The following NCAM2 variants were observed in gnomAD, a reference collection of about 807,000 sequenced individuals.
NCAM2 encodes the protein neural cell adhesion molecule 2.
A neutral mutation model predicts 98.1 loss-of-function variants in NCAM2; 30 were observed. The observed-to-expected ratio is 0.31, with a 90% confidence interval of 0.23 to 0.41. The LOEUF is 0.41. Ranked by LOEUF, NCAM2 falls within the 10% of genes least tolerant of loss-of-function variation. The probability of loss-of-function intolerance (pLI) is 1.00; values close to 1 mark genes in which losing one functional copy is unlikely to be tolerated. For synonymous variants in NCAM2, 368 were observed against 342.4 expected (o/e 1.07, Z -0.83); for missense variants, 867 against 1,005.8 (o/e 0.86, Z 1.87).
intron 1 of NCAM2, among the ~76,000 whole-genome samples, chr21:21,251,289 A>G (rs2071460310): frequency 6.6e-6 from 1 of 151,986 alleles, no homozygotes; most frequent in African/African-American, 2.4e-5. Flanking sequence ...CCCCACATGC[A>G]TTAGATTTTT....
chr21:21,127,730 C>A (rs1248257157), intron 1 of NCAM2, among the ~76,000 whole-genome samples: 1 of 152,052 alleles, frequency 6.6e-6, no homozygotes, highest in Non-Finnish European at 1.5e-5. Flanking sequence ...CTGTGCTTGG[C>A]ATATTTCATT....
intron 1 of NCAM2, among the ~76,000 whole-genome samples, chr21:21,123,742 T>C (rs74867465): frequency 0.017 from 2,614 of 152,246 alleles, 72 homozygotes; most frequent in East Asian, 0.052. Context: ...ACCCAAACTT[T>C]TCTTTATAAC....
In NCAM2 at chr21:21,080,449, T is replaced by C. The variant is rs573658283; in HGVS notation, c.55+81831T>C. On this transcript the variant is annotated intron_variant, in intron 1 of 17. Coordinates refer to ENST00000400546, the MANE Select transcript of NCAM2 (RefSeq NM_004540.5). ...CTGACCAACATGGAGAAACCCCATCTCCACTAAAAATACAAAATTATTCAG... is the reference window on the plus strand; with the variant it reads ...CTGACCAACATGGAGAAACCCCATCCCCACTAAAAATACAAAATTATTCAG... Among the ~76,000 whole-genome samples, 9 of 151,854 alleles carry C rather than the reference T, an allele frequency of 5.9e-5. No homozygotes were observed. In the South Asian group the frequency reaches 1.9e-3, roughly 32 times the overall value.
intron 1 of NCAM2, among the ~76,000 whole-genome samples, chr21:21,144,367 A>T (rs79443724): frequency 0.017 from 2,559 of 151,736 alleles, 74 homozygotes; most frequent in African/African-American, 0.058. Context: ...AAAAAAATCA[A>T]CATTTCAAAT....
chr21:21,156,737 C>A (rs929480699), intron 1 of NCAM2, among the ~76,000 whole-genome samples: 6 of 151,992 alleles, frequency 3.9e-5, no homozygotes, highest in African/African-American at 1.4e-4. Flanking sequence ...AAGGTAATTT[C>A]TTCCAGAAAC....
At chr21:21,394,308 A>T (rs1275354059) in intron 9 of NCAM2, among the ~76,000 whole-genome samples, 2 of 152,126 alleles carry the variant, frequency 1.3e-5, no homozygotes, top group East Asian at 3.9e-4. Flanking sequence ...TAATTGAATT[A>T]CCCTTTAAAT....
chr21:21,059,466 G>A (rs1258893492), intron 1 of NCAM2, among the ~76,000 whole-genome samples: 1 of 151,996 alleles, frequency 6.6e-6, no homozygotes, highest in African/African-American at 2.4e-5. Flanking sequence ...AGTTGTATAT[G>A]CCAAGACTGT....
chr21:21,216,497 T>C (rs2147109458), intron 1 of NCAM2, among the ~76,000 whole-genome samples: 2 of 152,312 alleles, frequency 1.3e-5, no homozygotes, highest in South Asian at 4.1e-4. Context: ...GACCTAGATA[T>C]GTGGCCACAA....
At chr21:21,287,983 G>A (rs903077403) in intron 4 of NCAM2, among the ~76,000 whole-genome samples, 1 of 151,776 alleles carries the variant, frequency 6.6e-6, no homozygotes, top group Non-Finnish European at 1.5e-5. Flanking sequence ...GACATCTATG[G>A]GTGATTTGTT....
chr21:21,415,497 G>A (rs184678462), intron 10 of NCAM2, among the ~76,000 whole-genome samples: 3 of 151,876 alleles, frequency 2.0e-5, no homozygotes, highest in East Asian at 2.0e-4. Flanking sequence ...CACCACGCCC[G>A]GCTAATTTTT....
intron 1 of NCAM2, among the ~76,000 whole-genome samples, chr21:21,016,867 C>CT (rs1442031764): frequency 6.6e-6 from 1 of 152,098 alleles, no homozygotes; most frequent in Non-Finnish European, 1.5e-5. Flanking sequence ...CTTTGAAGAC[C>CT]TGGGTGCCTC....
chr21:21,512,535 T>A (rs1028306958), intron 16 of NCAM2, among the ~76,000 whole-genome samples: 1 of 152,092 alleles, frequency 6.6e-6, no homozygotes, highest in Non-Finnish European at 1.5e-5. Flanking sequence ...TCCTTCACTT[T>A]TGTTCTTTTG....
intron 9 of NCAM2, among the ~76,000 whole-genome samples, chr21:21,407,912 T>C (rs1341758863): frequency 3.9e-5 from 6 of 152,202 alleles, no homozygotes; most frequent in Non-Finnish European, 2.9e-5. Flanking sequence ...AGTTGTTCCT[T>C]TAATCAGTTG....
intron 1 of NCAM2, among the ~76,000 whole-genome samples, chr21:21,072,861 G>A (rs2065601186): frequency 6.6e-6 from 1 of 152,104 alleles, no homozygotes; most frequent in African/African-American, 2.4e-5. Context: ...ATTTTGAAGT[G>A]TGTAGTTCAG....
At chr21:21,135,063 G>A (rs1175277167) in intron 1 of NCAM2, among the ~76,000 whole-genome samples, 4 of 133,584 alleles carry the variant, frequency 3.0e-5, no homozygotes, top group East Asian at 4.3e-4. Flanking sequence ...GTGAAACCCC[G>A]TCTCTACTAA....
At chr21:21,406,124 T>A (rs1163871363) in intron 9 of NCAM2, among the ~76,000 whole-genome samples, 3 of 152,114 alleles carry the variant, frequency 2.0e-5, no homozygotes, top group Non-Finnish European at 2.9e-5. Context: ...TTAAAAACTG[T>A]AAGGAAGACT....
chr21:21,534,758 A>G (rs1989892550), intron 17 of NCAM2, 102 bp downstream of exon 17: 1 of 1,115,772 alleles, frequency 9.0e-7, no homozygotes, highest in East Asian at 3.2e-5. Context: ...TTATTTGTAA[A>G]AGAATTGTGC....
chr21:21,451,489 A>T (rs1390849262), intron 12 of NCAM2, among the ~76,000 whole-genome samples: 1 of 152,130 alleles, frequency 6.6e-6, no homozygotes, highest in Non-Finnish European at 1.5e-5. Context: ...CATTGCAACA[A>T]TTTATTTTAT....
At chr21:21,126,219 G>A (rs1212735494) in intron 1 of NCAM2, among the ~76,000 whole-genome samples, 2 of 105,180 alleles carry the variant, frequency 1.9e-5, no homozygotes, top group African/African-American at 3.6e-5. Context: ...TTCCATTTCC[G>A]ATACTATCAT....
Sources: gnomAD v4.1 joint callset for allele counts (sites outside exome capture counted in the v4.1 genomes callset) on GRCh38, gnomAD v4.1.1 for gene constraint, MANE v1.5 for transcripts, NCBI Gene and HGNC (gene_info 2026-07-23, HGNC 2026-07-21) for gene names.